PRXL2C: variants seen among roughly 807,000 people sequenced by gnomAD.
PRXL2C encodes the protein peroxiredoxin like 2C, also known as peroxiredoxin-like 2C.
PRXL2C carries 38 observed loss-of-function variants against 24.9 expected under a neutral mutation model. That is an observed-to-expected ratio of 1.53 (90% CI 1.18 to 2.00). The LOEUF is 2.00. Ranked by LOEUF, PRXL2C falls within the 30% of genes most tolerant of loss-of-function variation. The pLI is 0.00. For missense variants in PRXL2C, 294 were observed against 290.9 expected (o/e 1.01, Z -0.08); for synonymous variants, 98 against 117.2 (o/e 0.84, Z 1.06).
rs1848109595 is a variant in PRXL2C, at chr9:96,641,184, A to AT, written c.*574dup. The AT allele has an allele frequency of 6.6e-6, 1 of 152,244 alleles. No homozygotes were observed. The highest frequency in any genetic ancestry group is 1.5e-5 in the Non-Finnish European group (1 of 68,058). 9.4% of individuals were successfully genotyped at this position (152,244 alleles called of 1,614,324 possible). A position where few individuals can be genotyped will look rare whatever the true frequency, so the allele number is the denominator to read the frequency against. On this transcript the variant is annotated 3_prime_UTR_variant, in exon 6 of 6. Transcript: ENST00000375234. Reference sequence around the variant, plus strand: ...CCCTACAATATTAATCATGCTCATTATATAACAGTTGGGAAATACAGAAAA... The same window carrying AT: ...CCCTACAATATTAATCATGCTCATTATTATAACAGTTGGGAAATACAGAAAA...
At position 96,645,998 on chromosome 9, in the gene PRXL2C, G is replaced by C. The variant is rs1462453124; in HGVS notation, c.448C>G (p.Leu150Val). 6 of 1,612,344 alleles carry C rather than the reference G, an allele frequency of 3.7e-6. No homozygotes were observed. Among genetic ancestry groups the C allele is most frequent in the South Asian group, 3.3e-5 (3 of 90,656 alleles). Reference sequence around the variant, plus strand: ...AGGCTCTGAAGGCTTCCTGAGAGTAGATTTGATTTTATGTGGGGGCTCTGT... The same window carrying C: ...AGGCTCTGAAGGCTTCCTGAGAGTACATTTGATTTTATGTGGGGGCTCTGT... ...SGQSPHIKSN[L>V]LSGSLQSLWR... The change falls in exon 5 of 6, where the codon CTA becomes GTA. Residue 150 changes from leucine to valine, a missense_variant. Physicochemically the swap from Leu to Val is conservative, Grantham distance 32. Coordinates refer to ENST00000375234, the MANE Select transcript of PRXL2C (RefSeq NM_153698.2).
chr9:96,648,814 C>A (rs929805705), intron 4 of PRXL2C, among the ~76,000 whole-genome samples: 5 of 152,104 alleles, frequency 3.3e-5, no homozygotes, highest in East Asian at 3.9e-4. Flanking sequence ...GCTCTTGTTG[C>A]CCAGGCTAGA....
At chr9:96,647,763 A>G (rs1266019250) in intron 4 of PRXL2C, among the ~76,000 whole-genome samples, 2 of 152,136 alleles carry the variant, frequency 1.3e-5, no homozygotes, top group East Asian at 1.9e-4. Flanking sequence ...CCTGGCCTCA[A>G]GTGATCCTCC....
chr9:96,652,844 T>TA (rs1848287847), intron 2 of PRXL2C, among the ~76,000 whole-genome samples: 1 of 152,220 alleles, frequency 6.6e-6, no homozygotes, highest in Non-Finnish European at 1.5e-5. Context: ...GTTGAAGAGA[T>TA]ATCTGCACTC....
chr9:96,653,282 A>C (rs1034741782), intron 2 of PRXL2C, among the ~76,000 whole-genome samples: 3 of 152,164 alleles, frequency 2.0e-5, no homozygotes, highest in Non-Finnish European at 2.9e-5. Context: ...ATAAAAAAGA[A>C]AGACATTTTT....
chr9:96,655,239 C>T lies in PRXL2C; in HGVS notation c.43G>A (p.Ala15Thr). 8.9e-7 allele frequency: 1 copy of T among 1,129,560 alleles called. No individual in the cohort carries two copies. The highest frequency in any genetic ancestry group is 1.1e-6 in the Non-Finnish European group (1 of 923,772). The allele number at this position is 1,129,560 out of a possible 1,614,324, so 70.0% of individuals were successfully genotyped here. ...APVTRQVSGA[A>T]ALVPAPSGPD... ...CCGCTCGGGGCCGGGACCAGGGCGG[C>T]GGCGCCGCTAACCTGCCGCGTGACC... is the stretch of plus-strand genomic sequence containing the variant. The change falls in exon 1 of 6, where the codon GCC becomes ACC. Residue 15 changes from alanine to threonine, a missense_variant. Coordinates refer to ENST00000375234, the MANE Select transcript of PRXL2C (RefSeq NM_153698.2).
rs548195186 is a variant in PRXL2C at position 96,651,015 on chromosome 9, G to A, written c.421+375C>T. Among the ~76,000 whole-genome samples, 12 of 152,292 alleles carry A rather than the reference G, an allele frequency of 7.9e-5. 1 individual carries two copies. The South Asian group carries it at 2.3e-3, about 29-fold the overall frequency. ...ATAATAAAAAGCAGCCTGAGGCTGG[G>A]TGCAGTGGCTCATGCCTATAATCCC... On this transcript the variant is annotated intron_variant, in intron 4 of 5. Transcript: ENST00000375234.
intron 2 of PRXL2C, 121 bp downstream of exon 2, chr9:96,654,584 G>A: frequency 2.4e-6 from 2 of 836,274 alleles, no homozygotes; most frequent in South Asian, 3.2e-5. Context: ...GGCGAGGGTG[G>A]AGAGAGCTGC....
rs193288059 is a variant in PRXL2C, at chr9:96,645,188, C to T, written c.553+705G>A. ...CCTCCCAAAGTGCTGGGATTACAGG[C>T]GTAAACCACCGCGCCCGGCTGGATT... On this transcript the variant is annotated intron_variant, in intron 5 of 5. Transcript: ENST00000375234. 5.9e-4 allele frequency among the ~76,000 whole-genome samples: 90 copies of T among 151,682 alleles called. No individual in the cohort carries two copies. The East Asian group carries it at 8.4e-3, about 14-fold the overall frequency.
chr9:96,655,186 G>A lies in PRXL2C; in HGVS notation c.96C>T (p.Ala32=). The change falls in exon 1 of 6, where the codon GCC becomes GCT. Residue 32 remains alanine (A), a synonymous_variant. Transcript: ENST00000375234. The part of the protein sequence containing the change: ...SGPDSGQPLA[A]AVAELPVLDA... ...CCAGCACCGGCAGCTCGGCCACGGC[G>A]GCCGCCAGGGGCTGCCCGCTGTCGG... The A allele has an allele frequency of 5.8e-6, 7 of 1,208,396 alleles. No homozygotes were observed. The highest frequency in any genetic ancestry group is 3.8e-5 in the South Asian group (1 of 26,630). 74.9% of individuals were successfully genotyped at this position (1,208,396 alleles called of 1,614,324 possible). A position where few individuals can be genotyped will look rare whatever the true frequency, so the allele number is the denominator to read the frequency against.
chr9:96,645,045 T>TA (rs1398165551), intron 5 of PRXL2C, among the ~76,000 whole-genome samples: 1 of 151,520 alleles, frequency 6.6e-6, no homozygotes, highest in Non-Finnish European at 1.5e-5. Context: ...TAGCTGGGAC[T>TA]ACAGGCACCC....
intron 4 of PRXL2C, among the ~76,000 whole-genome samples, chr9:96,649,667 T>G (rs988235089): frequency 2.0e-5 from 3 of 151,932 alleles, no homozygotes. Context: ...TATCCCCTCT[T>G]CAAGCCTTGT....
Position 96,654,719 on chromosome 9 carries a change from T to C in PRXL2C, c.247A>G (p.Arg83Gly), listed in dbSNP as rs527298219. 5.8e-6 allele frequency: 9 copies of C among 1,564,986 alleles called. No individual in the cohort carries two copies. In the Admixed American group the frequency reaches 1.1e-4, roughly 20 times the overall value. Residue 83 changes from arginine to glycine, a missense_variant, in exon 2 of 6, where the codon AGG (arginine) becomes GGG (glycine). Coordinates refer to ENST00000375234, the MANE Select transcript of PRXL2C (RefSeq NM_153698.2). ...GGGAAACTCACTTGTAAGAAACTCC[T>C]GGGGATTTTGGCCAGATCCTCTACG... ...EYVEDLAKIP[R>G]SFLQEANVTL...
At chr9:96,653,035 G>C (rs1323713152) in intron 2 of PRXL2C, among the ~76,000 whole-genome samples, 1 of 152,132 alleles carries the variant, frequency 6.6e-6, no homozygotes, top group Non-Finnish European at 1.5e-5. Flanking sequence ...AGACCATACT[G>C]GCTAACACGG....
chr9:96,654,034 G>A (rs923764399), intron 2 of PRXL2C, among the ~76,000 whole-genome samples: 1 of 152,134 alleles, frequency 6.6e-6, no homozygotes, highest in Non-Finnish European at 1.5e-5. Flanking sequence ...TAGAGTCAGG[G>A]TTTCACCGTG....
chr9:96,651,250 C>A (rs1848260991), intron 4 of PRXL2C, 140 bp downstream of exon 4: 1 of 632,276 alleles, frequency 1.6e-6, no homozygotes, highest in African/African-American at 1.9e-5. Context: ...TGCACTCCTG[C>A]CCCAGCAACA....
Position 96,641,149 on chromosome 9 carries a change from C to T in PRXL2C, c.*610G>A, listed in dbSNP as rs942456498. The T allele has an allele frequency of 6.6e-6, 1 of 152,096 alleles. No homozygotes were observed. Among genetic ancestry groups the T allele is most frequent in the South Asian group, 2.1e-4 (1 of 4,832 alleles). 9.4% of individuals were successfully genotyped at this position (152,096 alleles called of 1,614,324 possible). A position where few individuals can be genotyped will look rare whatever the true frequency, so the allele number is the denominator to read the frequency against. On this transcript the variant is annotated 3_prime_UTR_variant, in exon 6 of 6. Coordinates refer to ENST00000375234, the MANE Select transcript of PRXL2C (RefSeq NM_153698.2). ...AAATTGTCCTATAATGTTTAAAGAC[C>T]TTTTCCTGGCCCTACAATATTAATC...
At chr9:96,653,237 A>G (rs1564410551) in intron 2 of PRXL2C, among the ~76,000 whole-genome samples, 1 of 147,312 alleles carries the variant, frequency 6.8e-6, no homozygotes, top group East Asian at 1.9e-4. Flanking sequence ...AAAAAAAAAA[A>G]AAGAAGAAAA....
At chr9:96,645,081 T>C (rs1323332809) in intron 5 of PRXL2C, among the ~76,000 whole-genome samples, 1 of 151,358 alleles carries the variant, frequency 6.6e-6, no homozygotes, top group African/African-American at 2.4e-5. Flanking sequence ...TAATTTTTTT[T>C]TGTATTTTTA....
Sources: gnomAD v4.1 joint callset for allele counts (sites outside exome capture counted in the v4.1 genomes callset) on GRCh38, gnomAD v4.1.1 for gene constraint, MANE v1.5 for transcripts, NCBI Gene and HGNC (gene_info 2026-07-23, HGNC 2026-07-21) for gene names.